The following BANK1 variants were observed in gnomAD, a reference collection of about 807,000 sequenced individuals.
BANK1 encodes the protein B-cell scaffold protein with ankyrin repeats.
A neutral mutation model predicts 94.5 loss-of-function variants in BANK1; 95 were observed. The ratio of observed to expected loss-of-function variants is 1.00; its 90% CI spans 0.85 to 1.19. The LOEUF (loss-of-function observed/expected upper bound fraction) is 1.19. Ranked by LOEUF, BANK1 falls within the 50% of genes most tolerant of loss-of-function variation. BANK1 has a pLI of 0.00. For synonymous variants in BANK1, 334 were observed against 308.4 expected (o/e 1.08, Z -0.87); for missense variants, 987 against 932.2 (o/e 1.06, Z -0.77).
chr4:101,854,270 A>G (rs1307755211), intron 2 of BANK1, among the ~76,000 whole-genome samples: 1 of 152,082 alleles, frequency 6.6e-6, no homozygotes, highest in Non-Finnish European at 1.5e-5. Context: ...GGGCTTTGAG[A>G]CACTGAATAA....
intron 10 of BANK1, among the ~76,000 whole-genome samples, chr4:102,034,136 T>C (rs1727418324): frequency 6.6e-6 from 1 of 152,142 alleles, no homozygotes; most frequent in South Asian, 2.1e-4. Context: ...CCCCATTGCT[T>C]GCCAGAGCCC....
At chr4:101,957,183 T>C (rs1724377746) in intron 7 of BANK1, among the ~76,000 whole-genome samples, 1 of 152,324 alleles carries the variant, frequency 6.6e-6, no homozygotes, top group East Asian at 1.9e-4. Context: ...CTAAGCTATA[T>C]CTCTGCATTT....
intron 7 of BANK1, among the ~76,000 whole-genome samples, chr4:101,986,214 G>C (rs567390189): frequency 3.4e-4 from 51 of 152,182 alleles, no homozygotes; most frequent in Admixed American, 3.2e-3. Flanking sequence ...TTTGAGACAG[G>C]TATTTTAGGC....
At chr4:102,066,899 A>C (rs1228108401) in intron 13 of BANK1, among the ~76,000 whole-genome samples, 1 of 152,218 alleles carries the variant, frequency 6.6e-6, no homozygotes, top group East Asian at 1.9e-4. Flanking sequence ...GAAGAAGGAA[A>C]TATGAAAGCA....
At chr4:101,819,451 T>C (rs1289273471) in intron 1 of BANK1, among the ~76,000 whole-genome samples, 1 of 152,078 alleles carries the variant, frequency 6.6e-6, no homozygotes, top group Non-Finnish European at 1.5e-5. Context: ...AAACAAGAAT[T>C]GTTTTGTTTA....
intron 10 of BANK1, among the ~76,000 whole-genome samples, chr4:102,043,288 T>C (rs2658529): frequency 0.1 from 15,631 of 152,054 alleles, 1,142 homozygotes; most frequent in East Asian, 0.22. Context: ...TGAGAAATAA[T>C]AAATGAGAAC....
At chr4:101,889,361 G>A (rs1721761185) in intron 5 of BANK1, among the ~76,000 whole-genome samples, 1 of 151,910 alleles carries the variant, frequency 6.6e-6, no homozygotes, top group South Asian at 2.1e-4. Context: ...AAGAATCACA[G>A]GCCGAGGCGG....
intron 7 of BANK1, among the ~76,000 whole-genome samples, chr4:101,997,184 T>TA (rs1160351415): frequency 6.6e-6 from 1 of 152,232 alleles, no homozygotes; most frequent in East Asian, 1.9e-4. Flanking sequence ...TCTATTGAGA[T>TA]AATCAAGTGG....
intron 7 of BANK1, among the ~76,000 whole-genome samples, chr4:102,006,911 A>G (rs1387620565): frequency 1.3e-5 from 2 of 150,408 alleles, no homozygotes; most frequent in African/African-American, 4.9e-5. Flanking sequence ...GATGGCAATG[A>G]AGATTTGTCA....
intron 7 of BANK1, among the ~76,000 whole-genome samples, chr4:101,978,089 G>A (rs902630498): frequency 1.7e-4 from 25 of 151,182 alleles, no homozygotes; most frequent in African/African-American, 5.3e-4. Flanking sequence ...TTAGCCTCCC[G>A]TGTAGCTGGG....
intron 7 of BANK1, among the ~76,000 whole-genome samples, chr4:101,994,556 T>C (rs1725812678): frequency 6.6e-6 from 1 of 152,170 alleles, no homozygotes; most frequent in Non-Finnish European, 1.5e-5. Context: ...AGGAAGTGGC[T>C]ACATGCTGTT....
intron 5 of BANK1, among the ~76,000 whole-genome samples, chr4:101,878,354 G>A (rs565749989): frequency 5.3e-5 from 8 of 152,192 alleles, no homozygotes; most frequent in African/African-American, 1.9e-4. Context: ...TATGAAAAGC[G>A]ACAGAAAAGT....
At position 101,790,903 on chromosome 4, in the gene BANK1, A is replaced by T. The variant is rs1168912545; in HGVS notation, c.23A>T (p.Lys8Met). 5 of 1,540,326 alleles carry T rather than the reference A, an allele frequency of 3.2e-6. No homozygotes were observed. The highest frequency in any genetic ancestry group is 3.5e-6 in the Non-Finnish European group (4 of 1,147,822). The stretch of plus-strand genomic sequence containing the variant: ...ACAATGCTGCCAGCAGCGCCAGGCA[A>T]GGGGCTTGGGAGCCCGGACCCCGCC... The part of the protein sequence containing the change: MLPAAPG[K>M]GLGSPDPAPC... Residue 8 changes from lysine to methionine, a missense_variant, in exon 1 of 17, where the codon AAG (lysine) becomes ATG (methionine). Coordinates refer to ENST00000322953, the MANE Select transcript of BANK1 (RefSeq NM_017935.5).
At chr4:102,050,720 C>T (rs1162181941) in intron 11 of BANK1, among the ~76,000 whole-genome samples, 1 of 152,134 alleles carries the variant, frequency 6.6e-6, no homozygotes, top group African/African-American at 2.4e-5. Flanking sequence ...ATCATGCTTT[C>T]TGTGTTGTTT....
At chr4:101,936,271 A>G (rs1207060354) in intron 7 of BANK1, among the ~76,000 whole-genome samples, 4 of 150,318 alleles carry the variant, frequency 2.7e-5, no homozygotes, top group African/African-American at 7.3e-5. Flanking sequence ...ATGTATGCAT[A>G]CATGTATATG....
At chr4:101,951,403 C>G (rs1306597756) in intron 7 of BANK1, among the ~76,000 whole-genome samples, 2 of 151,936 alleles carry the variant, frequency 1.3e-5, no homozygotes, top group Non-Finnish European at 2.9e-5. Context: ...ATTCAAGGAC[C>G]ATTTTCAAAA....
chr4:102,061,755 TG>T (rs1195325795), intron 12 of BANK1: 1 of 96,222 alleles, frequency 1.0e-5, no homozygotes, highest in Non-Finnish European at 2.2e-5. Context: ...AATTTAATCT[TG>T]TTTTTAGGAA....
chr4:101,812,045 AG>A (rs1725746576), intron 1 of BANK1, among the ~76,000 whole-genome samples: 1 of 152,024 alleles, frequency 6.6e-6, no homozygotes, highest in Non-Finnish European at 1.5e-5. Context: ...ATTAATATTG[AG>A]GTTTTTTATC....
intron 11 of BANK1, among the ~76,000 whole-genome samples, chr4:102,046,296 G>C (rs560209885): frequency 7.2e-5 from 11 of 152,150 alleles, no homozygotes; most frequent in Admixed American, 3.9e-4. Context: ...ATCAATTCAA[G>C]ATGGATTAAA....
Sources: gnomAD v4.1 joint callset for allele counts (sites outside exome capture counted in the v4.1 genomes callset) on GRCh38, gnomAD v4.1.1 for gene constraint, MANE v1.5 for transcripts, NCBI Gene and HGNC (gene_info 2026-07-23, HGNC 2026-07-21) for gene names.